Variants in CADM2 observed in about 807,000 individuals in gnomAD.
CADM2 encodes immunoglobulin superfamily member 4D.
A neutral mutation model predicts 49.8 loss-of-function variants in CADM2; 12 were observed. The ratio of observed to expected loss-of-function variants is 0.24; its 90% CI spans 0.15 to 0.39. The LOEUF (loss-of-function observed/expected upper bound fraction) is 0.39. CADM2 is among the 10% of genes least tolerant of loss of function. The probability of loss-of-function intolerance (pLI) is 1.00; values close to 1 mark genes in which losing one functional copy is unlikely to be tolerated. For missense variants in CADM2, 378 were observed against 492.3 expected, an observed-to-expected ratio of 0.77 and a Z score of 2.20; for synonymous variants, 214 against 175.4, an observed-to-expected ratio of 1.22 and a Z score of -1.74.
At chr3:85,984,184 ATATAT>A (rs1165938879) in intron 8 of CADM2, among the ~76,000 whole-genome samples, 2 of 150,468 alleles carry the variant, frequency 1.3e-5, no homozygotes, top group Non-Finnish European at 1.5e-5. Context: ...ATATGTACAC[ATATAT>A]TATGTATGCA....
At chr3:85,624,590 C>G (rs930366087) in intron 1 of CADM2, among the ~76,000 whole-genome samples, 4 of 152,098 alleles carry the variant, frequency 2.6e-5, no homozygotes, top group African/African-American at 9.7e-5. Flanking sequence ...CTTGACCTCC[C>G]AAAGTGCTGG....
At position 85,271,435 on chromosome 3, in the gene CADM2, G is replaced by A. The variant is rs528882347; in HGVS notation, c.61+311767G>A. Among the ~76,000 whole-genome samples, 9 of 151,368 alleles carry A rather than the reference G, an allele frequency of 5.9e-5. No individual in the cohort carries two copies. The East Asian group carries it at 1.7e-3, about 29-fold the overall frequency. On this transcript the variant is annotated intron_variant, in intron 1 of 9. Transcript: ENST00000383699. ...GAATTAGGAAGCATCATCATAGAAA[G>A]CAATATACATAGTATAATTGGGTCA...
At chr3:85,850,317 T>A (rs1333781742) in intron 3 of CADM2, among the ~76,000 whole-genome samples, 2 of 43,652 alleles carry the variant, frequency 4.6e-5, no homozygotes, top group South Asian at 1.6e-3. Flanking sequence ...TGCAATTCTT[T>A]TTTTTTTTTT....
At chr3:85,951,775 A>G (rs192567404) in intron 7 of CADM2, among the ~76,000 whole-genome samples, 1 of 151,072 alleles carries the variant, frequency 6.6e-6, no homozygotes, top group Non-Finnish European at 1.5e-5. Context: ...TAAAACAAAC[A>G]TCATTTACCT....
intron 1 of CADM2, among the ~76,000 whole-genome samples, chr3:85,680,344 G>T (rs1387233876): frequency 2.0e-5 from 3 of 152,066 alleles, no homozygotes; most frequent in African/African-American, 7.2e-5. Context: ...CTAGAGAAAA[G>T]ATAAAGGGCT....
chr3:85,730,074 C>G (rs183667567), intron 2 of CADM2, among the ~76,000 whole-genome samples: 1 of 152,172 alleles, frequency 6.6e-6, no homozygotes, highest in African/African-American at 2.4e-5. Flanking sequence ...TAATGGCCCT[C>G]TCATCCAATT....
At chr3:85,282,251 CTT>C (rs1344833906) in intron 1 of CADM2, among the ~76,000 whole-genome samples, 14 of 76,932 alleles carry the variant, frequency 1.8e-4, no homozygotes, top group Non-Finnish European at 3.0e-4. Flanking sequence ...GGTTTGGGGG[CTT>C]TTTTTTTTTT....
intron 4 of CADM2, among the ~76,000 whole-genome samples, chr3:85,885,260 G>A (rs1218194251): frequency 6.6e-6 from 1 of 151,868 alleles, no homozygotes; most frequent in Non-Finnish European, 1.5e-5. Context: ...AATGAGGCCA[G>A]GCACGGTGGC....
At chr3:85,568,549 TTC>T (rs1167239519) in intron 1 of CADM2, among the ~76,000 whole-genome samples, 4 of 147,916 alleles carry the variant, frequency 2.7e-5, no homozygotes, top group East Asian at 2.1e-4. Flanking sequence ...CTTTCTTTCT[TTC>T]TCTTTCTTTC....
At chr3:85,666,819 C>G (rs1369325103) in intron 1 of CADM2, among the ~76,000 whole-genome samples, 7 of 151,850 alleles carry the variant, frequency 4.6e-5, no homozygotes, top group African/African-American at 1.5e-4. Context: ...GGAAAAATGG[C>G]TGGGGCAGGA....
chr3:85,614,113 A>C (rs562509245), intron 1 of CADM2, among the ~76,000 whole-genome samples: 1 of 151,866 alleles, frequency 6.6e-6, no homozygotes, highest in African/African-American at 2.4e-5. Context: ...TACACAGACA[A>C]TAAAAAGATT....
At chr3:85,737,646 C>T (rs528297529) in intron 2 of CADM2, among the ~76,000 whole-genome samples, 1 of 151,752 alleles carries the variant, frequency 6.6e-6, no homozygotes, top group South Asian at 2.1e-4. Context: ...CAACCTCCCT[C>T]TCCCAGGTTC....
chr3:85,697,282 A>G (rs1486924171), intron 1 of CADM2, among the ~76,000 whole-genome samples: 1 of 151,870 alleles, frequency 6.6e-6, no homozygotes, highest in Non-Finnish European at 1.5e-5. Context: ...CCCAAATGCT[A>G]GATGTTGTAT....
At chr3:85,919,558 G>GGTT (rs1718830114) in intron 6 of CADM2, among the ~76,000 whole-genome samples, 1 of 151,664 alleles carries the variant, frequency 6.6e-6, no homozygotes, top group African/African-American at 2.4e-5. Flanking sequence ...CTTTTTAAGG[G>GGTT]GTTAAATGGT....
intron 1 of CADM2, among the ~76,000 whole-genome samples, chr3:85,607,883 C>T (rs2063576763): frequency 6.6e-6 from 1 of 152,032 alleles, no homozygotes; most frequent in South Asian, 2.1e-4. Flanking sequence ...TCTCAAACTC[C>T]TGACCTCGTG....
chr3:85,150,574 T>G (rs2039890148), intron 1 of CADM2, among the ~76,000 whole-genome samples: 1 of 152,128 alleles, frequency 6.6e-6, no homozygotes, highest in African/African-American at 2.4e-5. Context: ...AGTTAGCATT[T>G]TAAATTTGTT....
chr3:84,969,034 A>G (rs187611164), intron 1 of CADM2, among the ~76,000 whole-genome samples: 1 of 152,124 alleles, frequency 6.6e-6, no homozygotes, highest in East Asian at 1.9e-4. Context: ...AATTGTGGAG[A>G]GATTGCTATA....
intron 3 of CADM2, among the ~76,000 whole-genome samples, chr3:85,810,532 G>GTTTTTTT (rs71112120): frequency 6.9e-5 from 6 of 87,176 alleles, no homozygotes; most frequent in Non-Finnish European, 1.1e-4. Context: ...ATAGAATTCT[G>GTTTTTTT]TTTTTTTTTT....
chr3:85,226,362 T>C (rs1487424125), intron 1 of CADM2, among the ~76,000 whole-genome samples: 1 of 152,128 alleles, frequency 6.6e-6, no homozygotes, highest in Non-Finnish European at 1.5e-5. Context: ...AGGGTGTATG[T>C]GTCCAGGAAT....
Sources: allele counts gnomAD v4.1 joint callset (sites outside exome capture counted in the v4.1 genomes callset), GRCh38; gene constraint gnomAD v4.1.1; transcripts MANE v1.5; gene names NCBI Gene and HGNC (gene_info 2026-07-23, HGNC 2026-07-21).